The following COG5 variants were observed in gnomAD, a reference collection of about 807,000 sequenced individuals.
The protein encoded by COG5 is conserved oligomeric Golgi complex subunit 5.
COG5 carries 86 observed loss-of-function variants against 110.4 expected under a neutral mutation model. The observed-to-expected ratio is 0.78, with a 90% CI of 0.65 to 0.93. COG5 has a LOEUF of 0.93. Among genes scored for constraint, COG5 ranks in the 40% least tolerant of loss-of-function variants. The pLI is 0.00. For synonymous variants in COG5, 360 were observed against 334.6 expected, an observed-to-expected ratio of 1.08 and a Z score of -0.83; for missense variants, 1,077 against 987.0, an observed-to-expected ratio of 1.09 and a Z score of -1.22.
At chr7:107,264,634 A>C (rs1803652878) in intron 14 of COG5, among the ~76,000 whole-genome samples, 2 of 152,100 alleles carry the variant, frequency 1.3e-5, no homozygotes, top group South Asian at 4.2e-4. Flanking sequence ...TGGAGATTGC[A>C]GTGAGTTAAG....
At chr7:107,554,400 C>T (rs376068229) in intron 2 of COG5, 58 bp from the exon 3 acceptor site, 6 of 1,422,756 alleles carry the variant, frequency 4.2e-6, no homozygotes, top group Non-Finnish European at 5.9e-6. Flanking sequence ...TCCTTGTAAC[C>T]ACAATGTAGA....
intron 1 of COG5, among the ~76,000 whole-genome samples, chr7:107,558,922 AAAAAAAAAAAAAAC>A (rs1049552474): frequency 1.8e-4 from 24 of 134,758 alleles, no homozygotes; most frequent in Non-Finnish European, 3.5e-4. Flanking sequence ...CTCAAAAAAA[AAAAAAAAAAAAAAC>A]CATAACTACT....
At chr7:107,525,203 G>A (rs1286954276) in intron 6 of COG5, among the ~76,000 whole-genome samples, 1 of 151,706 alleles carries the variant, frequency 6.6e-6, no homozygotes, top group East Asian at 1.9e-4. Flanking sequence ...TGGGATTACA[G>A]GCGTGAGCCA....
At chr7:107,486,414 A>G (rs1038146336) in intron 6 of COG5, among the ~76,000 whole-genome samples, 1 of 152,140 alleles carries the variant, frequency 6.6e-6, no homozygotes, top group Non-Finnish European at 1.5e-5. Context: ...ACAACATAAT[A>G]TATAACAGAA....
At chr7:107,521,414 C>A (rs887118252) in intron 6 of COG5, among the ~76,000 whole-genome samples, 5 of 152,104 alleles carry the variant, frequency 3.3e-5, no homozygotes, top group African/African-American at 1.2e-4. Flanking sequence ...TGTCTAATAT[C>A]CAGCATCTAC....
chr7:107,331,776 G>C (rs1473600922), intron 10 of COG5, among the ~76,000 whole-genome samples: 1 of 151,764 alleles, frequency 6.6e-6, no homozygotes, highest in Non-Finnish European at 1.5e-5. Context: ...AGAAAGATGT[G>C]CTCTTTTAAA....
chr7:107,427,904 T>C (rs1453832359), intron 6 of COG5, among the ~76,000 whole-genome samples: 3 of 152,090 alleles, frequency 2.0e-5, no homozygotes, highest in African/African-American at 4.8e-5. Flanking sequence ...AGAGGGGATA[T>C]GAGGGTGGTC....
chr7:107,366,706 G>C (rs1197593122), intron 8 of COG5, among the ~76,000 whole-genome samples: 1 of 152,072 alleles, frequency 6.6e-6, no homozygotes, highest in Non-Finnish European at 1.5e-5. Flanking sequence ...ACGTCTGATG[G>C]TAGATGGGAC....
In COG5 at chr7:107,362,618, G is replaced by A. The variant is rs77774215; in HGVS notation, c.836-198C>T. Among the ~76,000 whole-genome samples the A allele has an allele frequency of 3.8e-3, 579 of 152,094 alleles. 6 individuals are homozygous for A. The highest frequency in any genetic ancestry group is 0.013 in the African/African-American group (536 of 41,492). On this transcript the variant is annotated intron_variant, in intron 8 of 21. Transcript: ENST00000297135. ...GACACATACCCAGGAAGGATAAAAT[G>A]GAAATTGATGAAAATGGTTTCCTAC...
At chr7:107,238,126 T>A (rs1291614682) in intron 17 of COG5, among the ~76,000 whole-genome samples, 2 of 152,174 alleles carry the variant, frequency 1.3e-5, no homozygotes, top group Non-Finnish European at 2.9e-5. Flanking sequence ...ACTGCAACTT[T>A]GTACCCTTTG....
intron 6 of COG5, among the ~76,000 whole-genome samples, chr7:107,515,377 G>T (rs974179123): frequency 6.6e-6 from 1 of 151,946 alleles, no homozygotes; most frequent in Non-Finnish European, 1.5e-5. Flanking sequence ...TTAAAAAAAA[G>T]ATACAAAGTT....
chr7:107,563,739 C>A (rs1804203741), intron 1 of COG5, 64 bp downstream of exon 1: 6 of 1,579,188 alleles, frequency 3.8e-6, no homozygotes, highest in South Asian at 3.3e-5. Flanking sequence ...GTCCACCTCG[C>A]TGTCCAGGTG....
chr7:107,539,997 G>C, intron 5 of COG5, among the ~76,000 whole-genome samples: 1 of 152,168 alleles, frequency 6.6e-6, no homozygotes, highest in East Asian at 1.9e-4. Context: ...GGGAAACAGA[G>C]CATGACAGTC....
chr7:107,298,990 A>C (rs1004143543), intron 11 of COG5, among the ~76,000 whole-genome samples: 2 of 152,208 alleles, frequency 1.3e-5, no homozygotes, highest in Non-Finnish European at 2.9e-5. Flanking sequence ...GAACTGAACG[A>C]AAATTTTAAC....
intron 19 of COG5, among the ~76,000 whole-genome samples, chr7:107,213,212 G>C (rs1454321202): frequency 6.6e-6 from 1 of 152,128 alleles, no homozygotes; most frequent in East Asian, 1.9e-4. Flanking sequence ...AACCTGGCTT[G>C]AGTCCCTAGA....
At chr7:107,536,198 G>T (rs986339501) in intron 5 of COG5, among the ~76,000 whole-genome samples, 1 of 151,414 alleles carries the variant, frequency 6.6e-6, no homozygotes. Context: ...CATTCCCTTT[G>T]AAAACTGGCA....
In COG5 at chr7:107,210,558, A is replaced by G. The variant is rs1799086494; in HGVS notation, c.2343T>C (p.His781=). The G allele has an allele frequency of 6.2e-7, 1 of 1,604,156 alleles. No homozygotes were observed. The highest frequency in any genetic ancestry group is 8.5e-7 in the Non-Finnish European group (1 of 1,175,558). Residue 781 remains histidine (H), a synonymous_variant, in exon 21 of 22, where the codon CAT becomes CAC. Coordinates refer to ENST00000297135, the MANE Select transcript of COG5 (RefSeq NM_006348.5). Reference sequence around the variant, plus strand: ...GGAGGAGCCTGTCCTTTTCAGATGGATGGTCATCCAGCCACTGAGAGAAGC... The same window carrying G: ...GGAGGAGCCTGTCCTTTTCAGATGGGTGGTCATCCAGCCACTGAGAGAAGC... ...HTRFSQWLDD[H]PSEKDRLLLI...
chr7:107,347,617 T>C (rs1262911008), intron 10 of COG5, among the ~76,000 whole-genome samples: 2 of 152,170 alleles, frequency 1.3e-5, no homozygotes, highest in African/African-American at 4.8e-5. Flanking sequence ...TGATAAATGT[T>C]TGAGATGGAT....
At chr7:107,295,841 G>C (rs1016274821) in intron 12 of COG5, among the ~76,000 whole-genome samples, 1 of 152,004 alleles carries the variant, frequency 6.6e-6, no homozygotes. Flanking sequence ...ACCCAGACTG[G>C]AGTGCAGTGG....
Sources: gnomAD v4.1 joint callset for allele counts (sites outside exome capture counted in the v4.1 genomes callset) on GRCh38, gnomAD v4.1.1 for gene constraint, MANE v1.5 for transcripts, NCBI Gene and HGNC (gene_info 2026-07-23, HGNC 2026-07-21) for gene names.